The following OTC variants were observed in gnomAD, a reference collection of about 807,000 sequenced individuals.
The protein encoded by OTC is ornithine transcarbamylase, mitochondrial.
OTC carries 3 observed loss-of-function variants against 30.3 expected under a neutral mutation model. The ratio of observed to expected loss-of-function variants is 0.10; its 90% CI spans 0.05 to 0.26. The LOEUF is 0.26. Ranked by LOEUF, OTC falls within the 10% of genes least tolerant of loss-of-function variation. OTC has a pLI of 1.00. For synonymous variants in OTC, 111 were observed against 99.7 expected, an observed-to-expected ratio of 1.11 and a Z score of -0.67; for missense variants, 194 against 260.3, an observed-to-expected ratio of 0.75 and a Z score of 1.75.
the OTC span, among the ~76,000 whole-genome samples, chrX:38,347,584 C>T: frequency 8.9e-6 from 1 of 112,280 alleles, no homozygotes; most frequent in Non-Finnish European, 1.9e-5. Context: ...TAACTAGTAA[C>T]ACTCTGAAAC....
intron 4 of OTC, among the ~76,000 whole-genome samples, chrX:38,384,426 G>A (rs1165408515): frequency 3.6e-5 from 4 of 111,679 alleles, no homozygotes; most frequent in Non-Finnish European, 7.5e-5. Context: ...AGATATGCTG[G>A]GACTCAGAAA....
At chrX:38,393,401 T>C (rs1336480217) in intron 4 of OTC, among the ~76,000 whole-genome samples, 4 of 112,638 alleles carry the variant, frequency 3.6e-5, no homozygotes, top group African/African-American at 6.4e-5. Context: ...TAATTTTGTT[T>C]TTTTATTCTT....
At chrX:38,353,837 T>G (rs183930902) in intron 1 of OTC, among the ~76,000 whole-genome samples, 71 of 112,136 alleles carry the variant, frequency 6.3e-4, no homozygotes, top group African/African-American at 2.3e-3. Context: ...AATGTGATTT[T>G]TATTTCTTAA....
chrX:38,420,290 G>A, intron 9 of OTC, among the ~76,000 whole-genome samples: 2 of 110,997 alleles, frequency 1.8e-5, no homozygotes, highest in East Asian at 5.7e-4. Flanking sequence ...TGTATTAAAT[G>A]AGATAATGCA....
At chrX:38,362,482 A>G (rs963425004) in intron 1 of OTC, among the ~76,000 whole-genome samples, 9 of 111,906 alleles carry the variant, frequency 8.0e-5, no homozygotes, top group African/African-American at 2.9e-4. Flanking sequence ...TTGTAGTCCA[A>G]GGGAAAAATA....
intron 3 of OTC, among the ~76,000 whole-genome samples, chrX:38,379,084 T>C (rs2068363795): frequency 9.0e-6 from 1 of 111,536 alleles, no homozygotes; most frequent in Non-Finnish European, 1.9e-5. Context: ...GGTCAGAATG[T>C]TCATTACAGG....
chrX:38,399,450 T>TA (rs1362645771), intron 4 of OTC, among the ~76,000 whole-genome samples: 1 of 111,309 alleles, frequency 9.0e-6, no homozygotes, highest in Admixed American at 9.6e-5. Flanking sequence ...ATCAAGAGTT[T>TA]AAAAAACTCT....
chrX:38,376,709 T>C (rs2068350010), intron 3 of OTC, among the ~76,000 whole-genome samples: 1 of 111,689 alleles, frequency 9.0e-6, no homozygotes, highest in African/African-American at 3.3e-5. Context: ...TCAGGTAAAA[T>C]AGATTTCAAG....
At chrX:38,383,433 G>A (rs1333454442) in intron 4 of OTC, among the ~76,000 whole-genome samples, 5 of 111,987 alleles carry the variant, frequency 4.5e-5, no homozygotes, top group Non-Finnish European at 9.4e-5. Flanking sequence ...TATTTTCTAA[G>A]GCCGTGTTGT....
At chrX:38,377,381 C>T (rs940634260) in intron 3 of OTC, among the ~76,000 whole-genome samples, 8 of 111,288 alleles carry the variant, frequency 7.2e-5, no homozygotes, top group Non-Finnish European at 1.3e-4. Context: ...CTTCAAATAA[C>T]CTAATGATGC....
At chrX:38,412,122 C>A in intron 9 of OTC, 123 bp downstream of exon 9, 1 of 652,256 alleles carries the variant, frequency 1.5e-6, no homozygotes, top group Non-Finnish European at 2.3e-6. Context: ...CATGTAACAT[C>A]TATTTTTTTC....
chrX:38,372,972 A>G (rs1050457770), intron 3 of OTC, among the ~76,000 whole-genome samples: 1 of 112,163 alleles, frequency 8.9e-6, no homozygotes, highest in East Asian at 2.8e-4. Context: ...TCACATTCCT[A>G]CTTATCTCAG....
the OTC span, among the ~76,000 whole-genome samples, chrX:38,331,444 TTTTTTTTTTTG>T: frequency 3.0e-3 from 185 of 61,867 alleles, 2 homozygotes; most frequent in East Asian, 0.047. Flanking sequence ...TTTTTTTTGT[TTTTTTTTTTTG>T]TTTGTTTTTT....
the OTC span, among the ~76,000 whole-genome samples, chrX:38,329,229 GGAAAGAGCTGGC>G: frequency 5.4e-5 from 6 of 111,462 alleles, no homozygotes; most frequent in African/African-American, 2.0e-4. Context: ...GGAACACTGA[GGAAAGAGCTGGC>G]GACATTGGAG....
At chrX:38,362,269 A>T (rs1322417637) in intron 1 of OTC, among the ~76,000 whole-genome samples, 1 of 111,582 alleles carries the variant, frequency 9.0e-6, no homozygotes, top group Non-Finnish European at 1.9e-5. Context: ...TTGTTAGGAG[A>T]CTAGATCTCA....
At chrX:38,329,721 G>GATTTTTGAATCTGATTGATTCAAA in the OTC span, among the ~76,000 whole-genome samples, 1 of 111,788 alleles carries the variant, frequency 8.9e-6, no homozygotes, top group Non-Finnish European at 1.9e-5. Flanking sequence ...CAACCAATCA[G>GATTTTTGAATCTGATTGATTCAAA]ATGTTTGAAT....
chrX:38,412,555 C>A (rs1299276716), intron 9 of OTC, among the ~76,000 whole-genome samples: 1 of 112,233 alleles, frequency 8.9e-6, no homozygotes, highest in Non-Finnish European at 1.9e-5. Flanking sequence ...GATAAAGCCA[C>A]TAGTTTCATC....
chrX:38,386,691 T>C (rs1325334289), intron 4 of OTC, among the ~76,000 whole-genome samples: 1 of 112,317 alleles, frequency 8.9e-6, no homozygotes, highest in Non-Finnish European at 1.9e-5. Flanking sequence ...ATTTTCTTTA[T>C]CCATTCATCT....
At chrX:38,359,684 G>A (rs2068260806) in intron 1 of OTC, among the ~76,000 whole-genome samples, 1 of 111,303 alleles carries the variant, frequency 9.0e-6, no homozygotes, top group Non-Finnish European at 1.9e-5. Context: ...GCCTCCCAAA[G>A]TGCTGGGATT....
Sources: allele counts gnomAD v4.1 joint callset (sites outside exome capture counted in the v4.1 genomes callset), GRCh38; gene constraint gnomAD v4.1.1; transcripts MANE v1.5; gene names NCBI Gene and HGNC (gene_info 2026-07-23, HGNC 2026-07-21).